The following GALNT1 variants were observed in gnomAD, a reference collection of about 807,000 sequenced individuals.
GALNT1 encodes polypeptide N-acetylgalactosaminyltransferase 1.
GALNT1 carries 17 observed loss-of-function variants against 65.7 expected under a neutral mutation model. That is an observed-to-expected ratio of 0.26 (90% confidence interval 0.18 to 0.39). The LOEUF is 0.39. Ranked by LOEUF, GALNT1 falls within the 10% of genes least tolerant of loss-of-function variation. GALNT1 has a pLI of 1.00. For missense variants in GALNT1, 460 were observed against 672.8 expected, an observed-to-expected ratio of 0.68 and a Z score of 3.50; for synonymous variants, 210 against 219.7, an observed-to-expected ratio of 0.96 and a Z score of 0.39.
intron 1 of GALNT1, among the ~76,000 whole-genome samples, chr18:35,593,433 G>A (rs1313638583): frequency 6.6e-6 from 1 of 152,170 alleles, no homozygotes; most frequent in African/African-American, 2.4e-5. Context: ...GGAGATTGTA[G>A]CTTGCATTCG....
At chr18:35,630,617 G>A (rs2046993098) in intron 1 of GALNT1, among the ~76,000 whole-genome samples, 1 of 152,110 alleles carries the variant, frequency 6.6e-6, no homozygotes, top group Admixed American at 6.6e-5. Context: ...ATCCAAAATT[G>A]ACACCGTAAC....
At chr18:35,663,017 A>C (rs2047498789) in intron 2 of GALNT1, among the ~76,000 whole-genome samples, 1 of 152,238 alleles carries the variant, frequency 6.6e-6, no homozygotes, top group Non-Finnish European at 1.5e-5. Context: ...GAATGAAATA[A>C]TGTGATAGTC....
At chr18:35,665,797 C>G (rs552640281) in intron 3 of GALNT1, among the ~76,000 whole-genome samples, 1 of 152,116 alleles carries the variant, frequency 6.6e-6, no homozygotes, top group African/African-American at 2.4e-5. Context: ...TTTGGACATG[C>G]AAGATCTCAA....
intron 2 of GALNT1, among the ~76,000 whole-genome samples, chr18:35,656,208 C>G (rs930940839): frequency 4.6e-5 from 7 of 152,170 alleles, no homozygotes; most frequent in Non-Finnish European, 1.0e-4. Flanking sequence ...GGTGTTCTAT[C>G]TTAAATGTAA....
intron 1 of GALNT1, among the ~76,000 whole-genome samples, chr18:35,641,194 C>A (rs867929814): frequency 2.1e-4 from 32 of 152,238 alleles, no homozygotes; most frequent in Middle Eastern, 3.4e-3. Context: ...CCTGTAATCC[C>A]AGCACTTTGG....
At chr18:35,628,164 C>T (rs1487679375) in intron 1 of GALNT1, among the ~76,000 whole-genome samples, 1 of 152,226 alleles carries the variant, frequency 6.6e-6, no homozygotes, top group Non-Finnish European at 1.5e-5. Flanking sequence ...GAACAAAAGG[C>T]AGCAGAAACC....
chr18:35,660,358 A>G (rs1432112012), intron 2 of GALNT1, among the ~76,000 whole-genome samples: 1 of 152,112 alleles, frequency 6.6e-6, no homozygotes. Context: ...GTGAACCTGT[A>G]GTTTTCTTGG....
intron 3 of GALNT1, among the ~76,000 whole-genome samples, chr18:35,667,965 A>G (rs566431379): frequency 6.6e-6 from 1 of 152,236 alleles, no homozygotes; most frequent in Non-Finnish European, 1.5e-5. Context: ...CCTGTTAGCT[A>G]GGCATTAAGT....
At chr18:35,670,761 C>G (rs1044693622) in intron 3 of GALNT1, among the ~76,000 whole-genome samples, 7 of 152,186 alleles carry the variant, frequency 4.6e-5, no homozygotes, top group African/African-American at 1.7e-4. Context: ...CAAGGATAGA[C>G]AAGCAGATCA....
Position 35,683,438 on chromosome 18 carries a change from C to T in GALNT1, c.529C>T (p.Pro177Ser). Residue 177 changes from proline (P) to serine (S), a missense_variant, in exon 5 of 12, where the codon CCA (proline) becomes TCA (serine). Transcript: ENST00000269195. ...LESYVKKLKVPVHVIRMEQRS... is the reference protein window; with the variant it reads ...LESYVKKLKVSVHVIRMEQRS... The stretch of plus-strand genomic sequence containing the variant: ...GAGTTATGTGAAAAAACTAAAAGTA[C>T]CAGTTCATGTAATTCGAATGGAACA... 6.2e-7 allele frequency: 1 copy of T among 1,613,604 alleles called. No homozygotes were observed. The highest frequency in any genetic ancestry group is 8.5e-7 in the Non-Finnish European group (1 of 1,179,762).
intron 9 of GALNT1, among the ~76,000 whole-genome samples, chr18:35,697,411 T>G (rs2144705390): frequency 1.3e-5 from 2 of 152,340 alleles, no homozygotes; most frequent in South Asian, 4.1e-4. Context: ...AATACTATTT[T>G]ACATCTTACA....
chr18:35,683,873 A>C (rs2047824933), intron 5 of GALNT1, among the ~76,000 whole-genome samples: 2 of 152,238 alleles, frequency 1.3e-5, no homozygotes, highest in African/African-American at 4.8e-5. Flanking sequence ...GCTGGAGCAG[A>C]ACAGATAGAT....
chr18:35,676,396 G>T (rs1361537512), intron 3 of GALNT1, among the ~76,000 whole-genome samples: 1 of 152,142 alleles, frequency 6.6e-6, no homozygotes, highest in African/African-American at 2.4e-5. Flanking sequence ...GGCTGATGGG[G>T]CCCCTACGAT....
chr18:35,633,640 A>G (rs1197363436), intron 1 of GALNT1, among the ~76,000 whole-genome samples: 1 of 152,116 alleles, frequency 6.6e-6, no homozygotes, highest in Non-Finnish European at 1.5e-5. Context: ...ATGTGTATAC[A>G]TATGTAACAA....
At chr18:35,622,745 A>G (rs1291858294) in intron 1 of GALNT1, among the ~76,000 whole-genome samples, 1 of 151,386 alleles carries the variant, frequency 6.6e-6, no homozygotes, top group Non-Finnish European at 1.5e-5. Context: ...ACTGCGCTAG[A>G]TAGGTTCTCT....
rs573213159 is a variant in GALNT1 at position 35,709,791 on chromosome 18, G to A, written c.*21G>A. The A allele has an allele frequency of 5.4e-5, 87 of 1,610,132 alleles. No individual in the cohort carries two copies. Among genetic ancestry groups the A allele is most frequent in the Middle Eastern group, 1.7e-4 (1 of 6,030 alleles). ...TCTGAGACCAAATTTACAAAAAAAC[G>A]AAAAAAATAAGGATTGACTGGGCTA... On this transcript the variant is annotated 3_prime_UTR_variant, in exon 12 of 12. Transcript: ENST00000269195.
chr18:35,599,366 C>CTTTTT (rs60191738), intron 1 of GALNT1, among the ~76,000 whole-genome samples: 19 of 122,730 alleles, frequency 1.5e-4, no homozygotes, highest in African/African-American at 3.8e-4. Flanking sequence ...GAGATTTACA[C>CTTTTT]TTTTTTTTTT....
At chr18:35,654,299 T>C (rs543554866) in intron 1 of GALNT1, among the ~76,000 whole-genome samples, 1 of 152,208 alleles carries the variant, frequency 6.6e-6, no homozygotes, top group Non-Finnish European at 1.5e-5. Context: ...AGTACCTGTT[T>C]ATGTCCTTTA....
At chr18:35,608,346 A>G (rs550271275) in intron 1 of GALNT1, among the ~76,000 whole-genome samples, 1 of 152,180 alleles carries the variant, frequency 6.6e-6, no homozygotes, top group East Asian at 1.9e-4. Flanking sequence ...GATTTCTAAG[A>G]ATTTTGCCAA....
Sources: gnomAD v4.1 joint callset for allele counts (sites outside exome capture counted in the v4.1 genomes callset) on GRCh38, gnomAD v4.1.1 for gene constraint, MANE v1.5 for transcripts, NCBI Gene and HGNC (gene_info 2026-07-23, HGNC 2026-07-21) for gene names.